The following HEATR1 variants were observed in gnomAD, a reference collection of about 807,000 sequenced individuals.
HEATR1 encodes HEAT repeat containing 1, also known as HEAT repeat-containing protein 1.
A neutral mutation model predicts 248.2 loss-of-function variants in HEATR1; 77 were observed. The ratio of observed to expected loss-of-function variants is 0.31; its 90% CI spans 0.26 to 0.37. The LOEUF is 0.37. Among genes scored for constraint, HEATR1 ranks in the 10% least tolerant of loss-of-function variants. HEATR1 has a pLI of 1.00. For synonymous variants in HEATR1, 897 were observed against 923.1 expected (o/e 0.97, Z 0.51); for missense variants, 2,420 against 2,504.9 (o/e 0.97, Z 0.72).
rs552874505 is a variant in HEATR1, at chr1:236,589,040, G to A, written c.1531-997C>T. On this transcript the variant is annotated intron_variant, in intron 12 of 44. Transcript: ENST00000366582. ...CTGTCATCAATGGAGAAAAGAAAAT[G>A]AAACATGGTATGCAAAGGAGGACAT... is the stretch of plus-strand genomic sequence containing the variant. Among the ~76,000 whole-genome samples the A allele has an allele frequency of 3.0e-4, 46 of 152,276 alleles. 1 individual carries two copies. In the South Asian group the frequency reaches 9.1e-3, roughly 30 times the overall value.
At chr1:236,572,275 T>C in intron 26 of HEATR1, 136 bp downstream of exon 26, 1 of 1,042,424 alleles carries the variant, frequency 9.6e-7, no homozygotes. Flanking sequence ...ACCAATCTTT[T>C]AATTTCACCT....
At chr1:236,582,662 C>T in intron 19 of HEATR1, 74 bp downstream of exon 19, 1 of 1,537,488 alleles carries the variant, frequency 6.5e-7, no homozygotes. Flanking sequence ...CTCGGCCTCC[C>T]AAAGTGCTGG....
In HEATR1 at chr1:236,599,621, G is replaced by A. The variant is rs1461284224; in HGVS notation, c.363C>T (p.Phe121=). Residue 121 remains phenylalanine, a synonymous_variant, in exon 4 of 45, where the codon TTC becomes TTT. Transcript: ENST00000366582. The part of the protein sequence containing the change: ...QKCLEWLIHR[F]HIHLYNQDSL... Reference sequence around the variant, plus strand: ...TATCTTGATTATAGAGATGTATATGGAACCTGGGGAAAAAAAGCAAACAGT... The same window carrying A: ...TATCTTGATTATAGAGATGTATATGAAACCTGGGGAAAAAAAGCAAACAGT... 6.2e-7 allele frequency: 1 copy of A among 1,601,062 alleles called. No individual in the cohort carries two copies. The highest frequency in any genetic ancestry group is 1.3e-5 in the African/African-American group (1 of 74,404).
At chr1:236,571,827 A>G in intron 26 of HEATR1, 141 bp from the exon 27 acceptor site, 1 of 664,410 alleles carries the variant, frequency 1.5e-6, no homozygotes, top group Non-Finnish European at 2.6e-6. Context: ...TTAAACATCA[A>G]GTCTAGAAAT....
chr1:236,603,967 G>A lies in HEATR1; in HGVS notation c.129C>T (p.Thr43=). ...PKEAATIDRD[T]AFAIGCTGLE... is the part of the protein sequence containing the mutation. ...AAGATGGCTCACCAATGGCGAAGGC[G>A]GTGTCCCTGTCGATTGTGGCCGCTT... Residue 43 remains threonine, a synonymous_variant, in exon 2 of 45, where the codon ACC becomes ACT. Coordinates refer to ENST00000366582, the MANE Select transcript of HEATR1 (RefSeq NM_018072.6). The A allele has an allele frequency of 6.3e-7, 1 of 1,595,602 alleles. No homozygotes were observed. The highest frequency in any genetic ancestry group is 1.8e-5 in the Admixed American group (1 of 54,632).
Position 236,572,795 on chromosome 1 carries a change from G to C in HEATR1, c.3493C>G (p.Leu1165Val). Residue 1165 changes from leucine (L) to valine (V), a missense_variant, in exon 25 of 45, where the codon CTG becomes GTG. Transcript: ENST00000366582. ...SVNAEQVRIE[L>V]EPPDKAKPLG... ...GGTTTAGCTTTATCTGGTGGCTCCA[G>C]TTCTATTCGGACTTGTTCAGCATTA... 6.2e-7 allele frequency: 1 copy of C among 1,614,024 alleles called. No individual in the cohort carries two copies.
intron 4 of HEATR1, among the ~76,000 whole-genome samples, chr1:236,598,496 T>C (rs937828939): frequency 3.9e-5 from 6 of 152,064 alleles, no homozygotes; most frequent in African/African-American, 1.5e-4. Flanking sequence ...TTTGGCTACC[T>C]GCAATAAGAG....
rs1246533734 is a variant in HEATR1, at chr1:236,566,744, C to G, written c.4210G>C (p.Asp1404His). The G allele has an allele frequency of 6.2e-7, 1 of 1,614,014 alleles. No individual in the cohort carries two copies. Among genetic ancestry groups the G allele is most frequent in the Admixed American group, 1.7e-5 (1 of 60,006 alleles). The change falls in exon 30 of 45, where the codon GAT becomes CAT. Residue 1404 changes from aspartate (D) to histidine (H), a missense_variant. Asp to His is a moderately conservative substitution (Grantham distance 81). Coordinates refer to ENST00000366582, the MANE Select transcript of HEATR1 (RefSeq NM_018072.6). ...RRLPILVQLV[D>H]TLGAEKFLWI... ...AGGAATTTCTCTGCACCCAGTGTAT[C>G]AACAAGTTGAACAAGGATGGGCAGG...
Position 236,595,940 on chromosome 1 carries a change from T to G in HEATR1, c.849A>C (p.Ala283=). 1 of 1,613,764 alleles carries G rather than the reference T, an allele frequency of 6.2e-7. No homozygotes were observed. Among genetic ancestry groups the G allele is most frequent in the African/African-American group, 1.3e-5 (1 of 75,062 alleles). The change falls in exon 7 of 45, where the codon GCA becomes GCC. Residue 283 remains alanine, a synonymous_variant. Transcript: ENST00000366582. ...TGGTCAATGTTTTGATGATCTGTGA[T>G]GCCAATGAATTCACAAAGGTATTTT... ...TMENTFVNSL[A]SQIIKTLTKI...
In HEATR1 at chr1:236,574,331, A is replaced by C. The variant is rs777283123; in HGVS notation, c.3330T>G (p.Ile1110Met). 5.6e-6 allele frequency: 9 copies of C among 1,608,204 alleles called. No individual in the cohort carries two copies. In the Admixed American group the frequency reaches 1.4e-4, roughly 24 times the overall value. ...PTIQITALEK[I>M]TKPFFAAISD... is the part of the protein sequence containing the mutation. ...ATATGGCTGCAAAAAATGGTTTTGTAATCTAGAGGGGGTAGAAAAAAGGCA... is the reference window on the plus strand; with the variant it reads ...ATATGGCTGCAAAAAATGGTTTTGTCATCTAGAGGGGGTAGAAAAAAGGCA... The change falls in exon 24 of 45, where the codon ATT becomes ATG. Residue 1110 changes from isoleucine to methionine, a missense_variant and splice_region_variant. Coordinates refer to ENST00000366582, the MANE Select transcript of HEATR1 (RefSeq NM_018072.6).
Position 236,599,521 on chromosome 1 carries a change from T to C in HEATR1, c.463A>G (p.Asn155Asp). 4.3e-6 allele frequency: 7 copies of C among 1,613,858 alleles called. No individual in the cohort carries two copies. Among genetic ancestry groups the C allele is most frequent in the Non-Finnish European group, 5.9e-6 (7 of 1,179,854 alleles). Reference sequence around the variant, plus strand: ...AACCAGAACCATCTGTGCTTTGAATTATTAATTTTTAGAAGCTGTATGACT... The same window carrying C: ...AACCAGAACCATCTGTGCTTTGAATCATTAATTTTTAGAAGCTGTATGACT... ...VRVIQLLKINNSKHRWFWLLP... is the reference protein window; with the variant it reads ...VRVIQLLKINDSKHRWFWLLP... Residue 155 changes from asparagine to aspartate, a missense_variant, in exon 4 of 45, where the codon AAT becomes GAT. Coordinates refer to ENST00000366582, the MANE Select transcript of HEATR1 (RefSeq NM_018072.6).
At position 236,576,919 on chromosome 1, in the gene HEATR1, C is replaced by T. The variant is rs150389618; in HGVS notation, c.2786G>A (p.Ser929Asn). The change falls in exon 21 of 45, where the codon AGC (serine) becomes AAC (asparagine). Residue 929 changes from serine (S) to asparagine (N), a missense_variant. Physicochemically the swap from Ser to Asn is conservative, Grantham distance 46. Coordinates refer to ENST00000366582, the MANE Select transcript of HEATR1 (RefSeq NM_018072.6). ...VVTSLLINLGSPVKEVRRAAI... is the reference protein window; with the variant it reads ...VVTSLLINLGNPVKEVRRAAI... The stretch of plus-strand genomic sequence containing the variant: ...AGCCCTACGAACTTCTTTTACGGGG[C>T]TTCCCAGGTTAATGAGTAAAGATGT... 1.1e-5 allele frequency: 18 copies of T among 1,609,598 alleles called. No individual in the cohort carries two copies. The East Asian group carries it at 1.6e-4, about 14-fold the overall frequency.
In HEATR1 at chr1:236,593,992, T is replaced by C. The variant is rs958617190; in HGVS notation, c.1193+20A>G. On this transcript the variant is annotated intron_variant, in intron 9 of 44. Coordinates refer to ENST00000366582, the MANE Select transcript of HEATR1 (RefSeq NM_018072.6). ...GTCACAAAAATGTAAATCAAAAGCATGTCAAAAATAATAGCTTACCTAGCC... is the reference window on the plus strand; with the variant it reads ...GTCACAAAAATGTAAATCAAAAGCACGTCAAAAATAATAGCTTACCTAGCC... The C allele has an allele frequency of 2.0e-6, 3 of 1,465,484 alleles. No individual in the cohort carries two copies. The highest frequency in any genetic ancestry group is 1.4e-5 in the African/African-American group (1 of 70,140). 90.8% of individuals were successfully genotyped at this position (1,465,484 alleles called of 1,614,324 possible).
chr1:236,576,924 C>T lies in HEATR1; in HGVS notation c.2781G>A (p.Leu927=). The T allele has an allele frequency of 6.2e-7, 1 of 1,605,770 alleles. No homozygotes were observed. The highest frequency in any genetic ancestry group is 1.3e-5 in the African/African-American group (1 of 74,484). The part of the protein sequence containing the change: ...SPVVTSLLIN[L]GSPVKEVRRA... The stretch of plus-strand genomic sequence containing the variant: ...TACGAACTTCTTTTACGGGGCTTCC[C>T]AGGTTAATGAGTAAAGATGTCACCA... The change falls in exon 21 of 45, where the codon CTG becomes CTA. Residue 927 remains leucine, a synonymous_variant. Transcript: ENST00000366582.
Position 236,574,259 on chromosome 1 carries a change from T to C in HEATR1, c.3402A>G (p.Leu1134=), listed in dbSNP as rs760930540. The change falls in exon 24 of 45, where the codon TTA becomes TTG. Residue 1134 remains leucine (L), a synonymous_variant. Coordinates refer to ENST00000366582, the MANE Select transcript of HEATR1 (RefSeq NM_018072.6). ...AATGTGAGTTTTTACAGTTCACCAA[T>C]AAATCAAACAACATTCTTAAAAGCT... is the stretch of plus-strand genomic sequence containing the variant. ...QQKLLRMLFD[L]LVNCKNSHCA... 7 of 1,613,036 alleles carry C rather than the reference T, an allele frequency of 4.3e-6. No individual in the cohort carries two copies. In the South Asian group the frequency reaches 6.6e-5, roughly 15 times the overall value.
chr1:236,556,805 C>T (rs954788631), intron 37 of HEATR1, among the ~76,000 whole-genome samples: 1 of 152,122 alleles, frequency 6.6e-6, no homozygotes, highest in Admixed American at 6.5e-5. Flanking sequence ...ACGTGCAATA[C>T]AAAAATTCTG....
In HEATR1 at chr1:236,566,714, T is replaced by C. The variant is rs1451994016; in HGVS notation, c.4240A>G (p.Ile1414Val). 6.2e-7 allele frequency: 1 copy of C among 1,614,116 alleles called. No homozygotes were observed. The highest frequency in any genetic ancestry group is 2.2e-5 in the East Asian group (1 of 44,858). ...TGTTCAAAAAGCAAGATGAGGAGAATCCAGAGGAATTTCTCTGCACCCAGT... is the reference window on the plus strand; with the variant it reads ...TGTTCAAAAAGCAAGATGAGGAGAACCCAGAGGAATTTCTCTGCACCCAGT... ...DTLGAEKFLW[I>V]LLILLFEQYV... Residue 1414 changes from isoleucine (I) to valine (V), a missense_variant, in exon 30 of 45, where the codon ATT becomes GTT. Ile to Val is a conservative substitution (Grantham distance 29). Transcript: ENST00000366582.
At chr1:236,590,744 C>G (rs955807695) in intron 12 of HEATR1, 103 bp downstream of exon 12, 1 of 463,312 alleles carries the variant, frequency 2.2e-6, no homozygotes, top group South Asian at 6.9e-5. Flanking sequence ...TTCAACTCAT[C>G]TGTATCATTA....
At chr1:236,571,996 CAT>C (rs1330634146) in intron 26 of HEATR1, among the ~76,000 whole-genome samples, 1 of 152,110 alleles carries the variant, frequency 6.6e-6, no homozygotes, top group East Asian at 1.9e-4. Flanking sequence ...CGCTACAATT[CAT>C]ACTCAATTTA....
Sources: allele counts gnomAD v4.1 joint callset (sites outside exome capture counted in the v4.1 genomes callset), GRCh38; gene constraint gnomAD v4.1.1; transcripts MANE v1.5; gene names NCBI Gene and HGNC (gene_info 2026-07-23, HGNC 2026-07-21).